Variants in SNAI1 observed in about 807,000 individuals in gnomAD.
SNAI1 encodes the protein zinc finger protein SNAI1.
A neutral mutation model predicts 24.7 loss-of-function variants in SNAI1; 15 were observed. The observed-to-expected ratio is 0.61, with a 90% CI of 0.41 to 0.93. The LOEUF (loss-of-function observed/expected upper bound fraction) is 0.93. Ranked by LOEUF, SNAI1 falls within the 40% of genes least tolerant of loss-of-function variation. The pLI, the probability that SNAI1 is intolerant of heterozygous loss-of-function variation, is 0.00. For missense variants in SNAI1, 283 were observed against 336.7 expected (o/e 0.84, Z 1.25); for synonymous variants, 163 against 142.9 (o/e 1.14, Z -1.00).
intron 2 of SNAI1, among the ~76,000 whole-genome samples, chr20:49,985,643 G>A (rs974392326): frequency 2.0e-5 from 3 of 152,132 alleles, no homozygotes; most frequent in African/African-American, 4.8e-5. Flanking sequence ...GTATCATTGC[G>A]GTCCTCATTG....
At chr20:49,983,220 G>A in intron 1 of SNAI1, 79 bp downstream of exon 1, 1 of 1,107,172 alleles carries the variant, frequency 9.0e-7, no homozygotes, top group Non-Finnish European at 1.4e-6. Context: ...TGAGGGAGGC[G>A]GCCTGCCTGA....
intron 2 of SNAI1, among the ~76,000 whole-genome samples, chr20:49,985,834 C>T (rs937542663): frequency 1.3e-5 from 2 of 152,218 alleles, no homozygotes; most frequent in East Asian, 1.9e-4. Context: ...CCTTTGTCCC[C>T]GCCGGCCTGG....
At chr20:49,987,135 G>T (rs911257979) in intron 2 of SNAI1, among the ~76,000 whole-genome samples, 1 of 152,170 alleles carries the variant, frequency 6.6e-6, no homozygotes, top group Non-Finnish European at 1.5e-5. Context: ...GGACTCAAAG[G>T]AGGCCCTTGC....
Position 49,983,755 on chromosome 20 carries a change from C to CGGTGG in SNAI1, c.83-67_83-63dup, listed in dbSNP as rs1297035566. The stretch of plus-strand genomic sequence containing the variant: ...TCGGCCCCACCCAGCCCCTGGCCAG[C>CGGTGG]GGTGGGCTCATGTTTGTTGATTGAG... On this transcript the variant is annotated intron_variant, in intron 1 of 2. Coordinates refer to ENST00000244050, the MANE Select transcript of SNAI1 (RefSeq NM_005985.4). 2.8e-5 allele frequency: 40 copies of CGGTGG among 1,439,948 alleles called. No individual in the cohort carries two copies. In the South Asian group the frequency reaches 5.0e-4, roughly 18 times the overall value. The allele number at this position is 1,439,948 out of a possible 1,614,324, so 89.2% of individuals were successfully genotyped here. A position where few individuals can be genotyped will look rare whatever the true frequency, so the allele number is the denominator to read the frequency against.
intron 2 of SNAI1, among the ~76,000 whole-genome samples, chr20:49,986,529 G>A (rs6091078): frequency 0.28 from 42,076 of 152,060 alleles, 9,606 homozygotes; most frequent in African/African-American, 0.63. Context: ...CTGACCTTGC[G>A]GGCATATCAG....
At position 49,988,061 on chromosome 20, in the gene SNAI1, C is replaced by A. The variant is rs371503562; in HGVS notation, c.*5C>A. ...TGCTCAGGATGTCCCCGCTGACCCT[C>A]GAGGCTCCCTCTTCCTCTCCATACC... On this transcript the variant is annotated 3_prime_UTR_variant, in exon 3 of 3. Coordinates refer to ENST00000244050, the MANE Select transcript of SNAI1 (RefSeq NM_005985.4). 3 of 1,583,648 alleles carry A rather than the reference C, an allele frequency of 1.9e-6. No individual in the cohort carries two copies. Among genetic ancestry groups the A allele is most frequent in the African/African-American group, 1.3e-5 (1 of 74,506 alleles).
chr20:49,983,234 A>G (rs2078322522), intron 1 of SNAI1, 93 bp downstream of exon 1: 2 of 955,554 alleles, frequency 2.1e-6, no homozygotes, highest in Admixed American at 3.9e-5. Flanking sequence ...TGCCTGAGCC[A>G]GGATCGAGTC....
rs1287163992 is a variant in SNAI1, at chr20:49,984,066, G to T, written c.325G>T (p.Ala109Ser). Residue 109 changes from alanine (A) to serine (S), a missense_variant, in exon 2 of 3, where the codon GCT becomes TCT. Ala to Ser is a moderately conservative substitution (Grantham distance 99, BLOSUM62 1). Transcript: ENST00000244050. ...GSQPPSPPSP[A>S]PSSFSSTSVS... ...CCAGCCCCCCAGCCCACCCTCACCG[G>T]CTCCTTCGTCCTTCTCCTCTACTTC... 3.1e-6 allele frequency: 5 copies of T among 1,613,992 alleles called. No individual in the cohort carries two copies. Among genetic ancestry groups the T allele is most frequent in the Non-Finnish European group, 4.2e-6 (5 of 1,180,004 alleles).
In SNAI1 at chr20:49,983,052, C is replaced by T; in HGVS notation, c.-8C>T. On this transcript the variant is annotated 5_prime_UTR_variant, in exon 1 of 3. Coordinates refer to ENST00000244050, the MANE Select transcript of SNAI1 (RefSeq NM_005985.4). ...GCGCGAATCGGCGACCCCAGTGCCT[C>T]GACCACTATGCCGCGCTCTTTCCTC... The T allele has an allele frequency of 6.2e-7, 1 of 1,612,350 alleles. No individual in the cohort carries two copies. Among genetic ancestry groups the T allele is most frequent in the South Asian group, 1.1e-5 (1 of 90,992 alleles).
At position 49,982,983 on chromosome 20, in the gene SNAI1, G is replaced by T. The variant is rs895015832; in HGVS notation, c.-77G>T. The T allele has an allele frequency of 3.6e-6, 3 of 827,684 alleles. No homozygotes were observed. Among genetic ancestry groups the T allele is most frequent in the Non-Finnish European group, 5.7e-6 (3 of 525,642 alleles). The allele number at this position is 827,684 out of a possible 1,614,324, so 51.3% of individuals were successfully genotyped here. On this transcript the variant is annotated 5_prime_UTR_variant, in exon 1 of 3. Transcript: ENST00000244050. ...AGTTGGCGGCGCTGCTGCATTCATTGCGCCGCGGCACGGCCTAGCGAGTGG... is the reference window on the plus strand; with the variant it reads ...AGTTGGCGGCGCTGCTGCATTCATTTCGCCGCGGCACGGCCTAGCGAGTGG...
chr20:49,985,340 C>T (rs2146879743), intron 2 of SNAI1, among the ~76,000 whole-genome samples: 1 of 152,324 alleles, frequency 6.6e-6, no homozygotes, highest in South Asian at 2.1e-4. Context: ...CGCCTGACCT[C>T]TGAGCGGTGA....
Position 49,984,109 on chromosome 20 carries a change from C to T in SNAI1, c.368C>T (p.Ala123Val). The change falls in exon 2 of 3, where the codon GCC becomes GTC. Residue 123 changes from alanine to valine, a missense_variant. Transcript: ENST00000244050. ...FSSTSVSSLE[A>V]EAYAAFPGLG... ...TCTACTTCAGTCTCTTCCTTGGAGGCCGAGGCCTATGCTGCCTTCCCAGGC... is the reference window on the plus strand; with the variant it reads ...TCTACTTCAGTCTCTTCCTTGGAGGTCGAGGCCTATGCTGCCTTCCCAGGC... The T allele has an allele frequency of 1.2e-6, 2 of 1,614,214 alleles. No individual in the cohort carries two copies. Among genetic ancestry groups the T allele is most frequent in the Non-Finnish European group, 1.7e-6 (2 of 1,180,034 alleles).
chr20:49,987,545 C>G (rs2078337748), intron 2 of SNAI1, among the ~76,000 whole-genome samples: 1 of 152,118 alleles, frequency 6.6e-6, no homozygotes, highest in South Asian at 2.1e-4. Flanking sequence ...CATTGTTGAC[C>G]ACTTCGCACG....
At chr20:49,985,989 T>C (rs16995009) in intron 2 of SNAI1, among the ~76,000 whole-genome samples, 41,724 of 152,068 alleles carry the variant, frequency 0.27, 9,399 homozygotes, top group African/African-American at 0.62. Flanking sequence ...CCCTTTTGTT[T>C]GGGTTCAGGT....
At chr20:49,985,509 A>AGGGC (rs1432385288) in intron 2 of SNAI1, among the ~76,000 whole-genome samples, 2 of 152,220 alleles carry the variant, frequency 1.3e-5, no homozygotes, top group African/African-American at 4.8e-5. Flanking sequence ...CCCAGCTCAC[A>AGGGC]GGGCTCTATT....
Position 49,986,353 on chromosome 20 carries a change from C to G in SNAI1, c.611-1519C>G, listed in dbSNP as rs146604368. ...CATGAGACTGAGTCCAGCTCTCAGG[C>G]GCTCCATAAGTCCCTATTGAATGCA... On this transcript the variant is annotated intron_variant, in intron 2 of 2. Coordinates refer to ENST00000244050, the MANE Select transcript of SNAI1 (RefSeq NM_005985.4). Among the ~76,000 whole-genome samples, 369 of 152,192 alleles carry G rather than the reference C, an allele frequency of 2.4e-3. 1 individual carries two copies. The highest frequency in any genetic ancestry group is 7.9e-3 in the African/African-American group (328 of 41,520).
chr20:49,985,908 G>C (rs1006146223), intron 2 of SNAI1, among the ~76,000 whole-genome samples: 3 of 152,356 alleles, frequency 2.0e-5, no homozygotes, highest in Admixed American at 2.0e-4. Flanking sequence ...TCCAAGGAGT[G>C]GGGGTCTGTG....
chr20:49,986,736 G>A (rs1436810316), intron 2 of SNAI1, among the ~76,000 whole-genome samples: 1 of 152,144 alleles, frequency 6.6e-6, no homozygotes, highest in East Asian at 1.9e-4. Flanking sequence ...AGAGTGATGG[G>A]ATTACAAGCG....
rs535384462 is a variant in SNAI1 at position 49,985,559 on chromosome 20, T to C, written c.610+1208T>C. ...CCCCTCAGGGTGCTGCAGTCCTGCC[T>C]GCCTCTCTCACCTCCCATCTGGACA... On this transcript the variant is annotated intron_variant, in intron 2 of 2. Coordinates refer to ENST00000244050, the MANE Select transcript of SNAI1 (RefSeq NM_005985.4). Among the ~76,000 whole-genome samples the C allele has an allele frequency of 3.9e-5, 6 of 152,354 alleles. No individual in the cohort carries two copies. In the South Asian group the frequency reaches 1.2e-3, roughly 32 times the overall value.
Sources: gnomAD v4.1 joint callset for allele counts (sites outside exome capture counted in the v4.1 genomes callset) on GRCh38, gnomAD v4.1.1 for gene constraint, MANE v1.5 for transcripts, NCBI Gene and HGNC (gene_info 2026-07-23, HGNC 2026-07-21) for gene names.